Variants in ZNF112 observed in about 807,000 individuals in gnomAD.
The protein encoded by ZNF112 is zinc finger protein 112 (Y14).
A neutral mutation model predicts 77.7 loss-of-function variants in ZNF112; 37 were observed. The observed-to-expected ratio is 0.48, with a 90% CI of 0.37 to 0.63. The LOEUF is 0.63. Ranked by LOEUF, ZNF112 falls within the 20% of genes least tolerant of loss-of-function variation. ZNF112 has a pLI of 0.00. For missense variants in ZNF112, 950 were observed against 1,077.4 expected, an observed-to-expected ratio of 0.88 and a Z score of 1.66; for synonymous variants, 333 against 363.6, an observed-to-expected ratio of 0.92 and a Z score of 0.96.
chr19:44,358,156 G>GAAAAAAAAAAAAAAAA (rs59023124), upstream of ZNF112, among the ~76,000 whole-genome samples: 3 of 130,380 alleles, frequency 2.3e-5, no homozygotes, highest in African/African-American at 2.8e-5. Context: ...CGTCTCAAAA[G>GAAAAAAAAAAAAAAAA]AAAAAAAAAA....
At chr19:44,360,323 C>G (rs1970843874), upstream of ZNF112, among the ~76,000 whole-genome samples, 1 of 151,220 alleles carries the variant, frequency 6.6e-6, no homozygotes, top group Admixed American at 6.6e-5. Context: ...CATAAATATA[C>G]TTTCAAAAAT....
At chr19:44,340,099 GT>G (rs61356571) in intron 2 of ZNF112, among the ~76,000 whole-genome samples, 108,408 of 151,670 alleles carry the variant, frequency 0.71, 38,937 homozygotes, top group Admixed American at 0.78. Context: ...CAAATATAAT[GT>G]TTTTTTAAAA....
chr19:44,341,464 G>A (rs1347416506), intron 1 of ZNF112, among the ~76,000 whole-genome samples: 1 of 152,100 alleles, frequency 6.6e-6, no homozygotes, highest in Admixed American at 6.5e-5. Context: ...AAATCATAAT[G>A]GCAGGTGTTT....
intron 1 of ZNF112, among the ~76,000 whole-genome samples, chr19:44,354,055 C>T (rs544785434): frequency 6.6e-6 from 1 of 152,206 alleles, no homozygotes; most frequent in East Asian, 1.9e-4. Context: ...AGTATTGATA[C>T]GTATAACAAC....
At chr19:44,331,593 A>G (rs1414157597) in intron 3 of ZNF112, among the ~76,000 whole-genome samples, 1 of 152,194 alleles carries the variant, frequency 6.6e-6, no homozygotes, top group Non-Finnish European at 1.5e-5. Flanking sequence ...TTTTTCATGA[A>G]TATTACCCTC....
chr19:44,328,393 T>C lies in ZNF112; in HGVS notation c.1764A>G (p.Ser588=), dbSNP rs1367554304. ...EECGKGFSRN[S]YLQGHQRVHT... ...GAACTCTCTGATGGCCTTGAAGGTA[T>C]GAATTTCGACTGAACCCCTTCCCAC... is the stretch of plus-strand genomic sequence containing the variant. Residue 588 remains serine (S), a synonymous_variant, in exon 4 of 4, where the codon TCA becomes TCG. Coordinates refer to ENST00000354340, the MANE Select transcript of ZNF112 (RefSeq NM_013380.4). The C allele has an allele frequency of 3.1e-6, 5 of 1,612,812 alleles. No homozygotes were observed. In the Admixed American group the frequency reaches 6.7e-5, roughly 22 times the overall value.
chr19:44,327,935 T>C lies in ZNF112; in HGVS notation c.2222A>G (p.Lys741Arg), dbSNP rs745457478. The change falls in exon 4 of 4, where the codon AAA becomes AGA. Residue 741 changes from lysine to arginine, a missense_variant. This residue lies in a region of ZNF112 where 373 missense variants were observed against 482.8 expected (regional missense o/e 0.77). Transcript: ENST00000354340. ...CCCACACATCTCACATTTATACGGT[T>C]TCACTCTAGTGTGGACTCTCTGATG... ...QGHQRVHTRV[K>R]PYKCEMCGKG... The C allele has an allele frequency of 1.2e-6, 2 of 1,613,776 alleles. No homozygotes were observed. The highest frequency in any genetic ancestry group is 1.7e-6 in the Non-Finnish European group (2 of 1,179,926).
chr19:44,342,480 G>GC (rs1224419639), intron 1 of ZNF112, among the ~76,000 whole-genome samples: 1 of 152,084 alleles, frequency 6.6e-6, no homozygotes, highest in Non-Finnish European at 1.5e-5. Flanking sequence ...ATGTAAAACT[G>GC]CAAGAATCCT....
Position 44,327,991 on chromosome 19 carries a change from C to T in ZNF112, c.2166G>A (p.Lys722=), listed in dbSNP as rs762039032. The change falls in exon 4 of 4, where the codon AAG becomes AAA. Residue 722 remains lysine (K), a synonymous_variant. Coordinates refer to ENST00000354340, the MANE Select transcript of ZNF112 (RefSeq NM_013380.4). ...ERPYICEVCG[K]GFSQRAYLQG... ...GAAGATATGCTCTCTGACTGAAGCCCTTTCCACATACCTCACATATATATG... is the reference window on the plus strand; with the variant it reads ...GAAGATATGCTCTCTGACTGAAGCCTTTTCCACATACCTCACATATATATG... 1.2e-6 allele frequency: 2 copies of T among 1,613,754 alleles called. No individual in the cohort carries two copies. The highest frequency in any genetic ancestry group is 3.3e-5 in the Admixed American group (2 of 59,974).
rs1970245438 is a variant in ZNF112 at position 44,330,222 on chromosome 19, G to T, written c.221-286C>A. On this transcript the variant is annotated intron_variant, in intron 3 of 3. Coordinates refer to ENST00000354340, the MANE Select transcript of ZNF112 (RefSeq NM_013380.4). ...ACTCATTGGAGTATTTCAGATTTCT[G>T]ATTAGGGATGCTCAACTGGTAAGTA... is the stretch of plus-strand genomic sequence containing the variant. Among the ~76,000 whole-genome samples the T allele has an allele frequency of 4.6e-5, 7 of 152,232 alleles. No individual in the cohort carries two copies. In the South Asian group the frequency reaches 1.5e-3, roughly 32 times the overall value.
intron 1 of ZNF112, among the ~76,000 whole-genome samples, chr19:44,352,043 T>A (rs1970702332): frequency 6.6e-6 from 1 of 151,766 alleles, no homozygotes; most frequent in African/African-American, 2.4e-5. Flanking sequence ...GGCAATGGGG[T>A]TGGGGAGTGA....
chr19:44,331,119 G>T (rs1270743363), intron 3 of ZNF112, among the ~76,000 whole-genome samples: 1 of 152,188 alleles, frequency 6.6e-6, no homozygotes, highest in Admixed American at 6.5e-5. Context: ...GCTCTTCTAA[G>T]TCCCTGTAGG....
At chr19:44,334,075 G>C (rs1286035181) in intron 3 of ZNF112, among the ~76,000 whole-genome samples, 1 of 152,156 alleles carries the variant, frequency 6.6e-6, no homozygotes, top group African/African-American at 2.4e-5. Context: ...AGATGAGGAA[G>C]TTATTGGGGA....
chr19:44,350,364 G>A (rs1054290317), intron 1 of ZNF112, among the ~76,000 whole-genome samples: 5 of 152,022 alleles, frequency 3.3e-5, no homozygotes, highest in Admixed American at 1.3e-4. Flanking sequence ...AGAGTTCAAT[G>A]TCTGAGCAGC....
intron 3 of ZNF112, among the ~76,000 whole-genome samples, chr19:44,334,846 A>T (rs545633188): frequency 6.6e-6 from 1 of 152,376 alleles, no homozygotes; most frequent in South Asian, 2.1e-4. Flanking sequence ...GTCCAGGCAG[A>T]AGTCTGCTGC....
At chr19:44,352,802 T>C (rs1481231114) in intron 1 of ZNF112, among the ~76,000 whole-genome samples, 1 of 152,100 alleles carries the variant, frequency 6.6e-6, no homozygotes, top group Non-Finnish European at 1.5e-5. Context: ...ACAAAACATG[T>C]ATAGATCTGT....
chr19:44,359,246 C>A (rs1970829171), upstream of ZNF112, among the ~76,000 whole-genome samples: 2 of 150,896 alleles, frequency 1.3e-5, no homozygotes, highest in African/African-American at 4.9e-5. Context: ...TTTCCTCAGA[C>A]CTCAGGTGGT....
Position 44,328,587 on chromosome 19 carries a change from A to T in ZNF112, c.1570T>A (p.Cys524Ser). Residue 524 changes from cysteine (C) to serine (S), a missense_variant, in exon 4 of 4, where the codon TGC becomes AGC. Transcript: ENST00000354340. Reference protein sequence around the residue: ...TGQKPYKCNICGKGFNHRSVL... With the variant: ...TGQKPYKCNISGKGFNHRSVL... Reference sequence around the variant, plus strand: ...GATCTATGATTGAAACCTTTGCCGCATATATTGCATTTGTATGGCTTCTGT... The same window carrying T: ...GATCTATGATTGAAACCTTTGCCGCTTATATTGCATTTGTATGGCTTCTGT... 6.2e-7 allele frequency: 1 copy of T among 1,614,034 alleles called. No individual in the cohort carries two copies. Among genetic ancestry groups the T allele is most frequent in the Non-Finnish European group, 8.5e-7 (1 of 1,179,982 alleles).
At chr19:44,339,838 ACTG>A (rs1396218940) in intron 2 of ZNF112, among the ~76,000 whole-genome samples, 2 of 152,140 alleles carry the variant, frequency 1.3e-5, no homozygotes, top group Non-Finnish European at 2.9e-5. Flanking sequence ...CTGTATATAC[ACTG>A]AAGTATTTAG....
Sources: gnomAD v4.1 joint callset for allele counts (sites outside exome capture counted in the v4.1 genomes callset) on GRCh38, gnomAD v4.1.1 for gene constraint, gnomAD v4.1.1 regional missense constraint, MANE v1.5 for transcripts, NCBI Gene and HGNC (gene_info 2026-07-23, HGNC 2026-07-21) for gene names.